Variants in PARVB observed in about 807,000 individuals in gnomAD.
PARVB encodes beta-parvin.
Under a neutral mutation model 47.0 loss-of-function variants are expected in PARVB, and 46 were observed. That is an observed-to-expected ratio of 0.98 (90% CI 0.77 to 1.25). The LOEUF (loss-of-function observed/expected upper bound fraction) is 1.25, where lower values mean the gene tolerates loss of function less well. Among genes scored for constraint, PARVB ranks in the 50% most tolerant of loss-of-function variants. The pLI, the probability that PARVB is intolerant of heterozygous loss-of-function variation, is 0.00. For missense variants in PARVB, 473 were observed against 471.6 expected, an observed-to-expected ratio of 1.00 and a Z score of -0.03; for synonymous variants, 196 against 196.3, an observed-to-expected ratio of 1.00 and a Z score of 0.01.
chr22:44,086,684 C>T lies in PARVB; in HGVS notation c.113-7244C>T, dbSNP rs1212201679. 4.5e-6 allele frequency: 4 copies of T among 895,774 alleles called. No individual in the cohort carries two copies. In the East Asian group the frequency reaches 4.8e-4, roughly 107 times the overall value. 55.5% of individuals were successfully genotyped at this position (895,774 alleles called of 1,614,324 possible). Reference sequence around the variant, plus strand: ...TCACTTAGGTCTTATTTTAACTCCACTGAGCTGCAAGATCTTCACTGAAGT... The same window carrying T: ...TCACTTAGGTCTTATTTTAACTCCATTGAGCTGCAAGATCTTCACTGAAGT... On this transcript the variant is annotated intron_variant, in intron 1 of 12. Coordinates refer to ENST00000338758, the MANE Select transcript of PARVB (RefSeq NM_013327.5).
chr22:44,095,261 C>G (rs1489303603), intron 2 of PARVB, among the ~76,000 whole-genome samples: 1 of 152,106 alleles, frequency 6.6e-6, no homozygotes, highest in Non-Finnish European at 1.5e-5. Context: ...GTAATCCCAG[C>G]ACTTTGGAAG....
intron 11 of PARVB, among the ~76,000 whole-genome samples, chr22:44,159,879 G>A (rs905672413): frequency 2.0e-5 from 3 of 152,166 alleles, no homozygotes; most frequent in African/African-American, 2.4e-5. Flanking sequence ...CCCGAGGTGC[G>A]TTTGCTCTGG....
intron 10 of PARVB, among the ~76,000 whole-genome samples, chr22:44,156,246 T>C (rs2053929723): frequency 6.6e-6 from 1 of 151,790 alleles, no homozygotes; most frequent in Admixed American, 6.6e-5. Context: ...TCAGGGCTTC[T>C]GATATTGGAT....
chr22:44,047,482 G>A (rs533993374), intron 1 of PARVB, among the ~76,000 whole-genome samples: 131 of 152,142 alleles, frequency 8.6e-4, no homozygotes, highest in African/African-American at 3.1e-3. Context: ...TCAACATGGC[G>A]AAACCCCATC....
At chr22:44,024,286 G>A (rs1361156225), upstream of PARVB, 3 of 966,718 alleles carry the variant, frequency 3.1e-6, no homozygotes, top group Non-Finnish European at 3.7e-6. Flanking sequence ...TCTCCCCGGG[G>A]CGACCGGGCG....
chr22:44,088,637 A>G (rs1006859140), intron 1 of PARVB, among the ~76,000 whole-genome samples: 2 of 151,896 alleles, frequency 1.3e-5, no homozygotes, highest in Non-Finnish European at 2.9e-5. Context: ...ACGCCTGACT[A>G]ATGTTTGTAT....
At chr22:44,134,690 AGGG>A (rs1390112759) in intron 6 of PARVB, among the ~76,000 whole-genome samples, 2 of 152,156 alleles carry the variant, frequency 1.3e-5, no homozygotes, top group African/African-American at 4.8e-5. Context: ...GAGCTTGCTC[AGGG>A]GACCCCTTAT....
chr22:44,026,344 C>A, intron 1 of PARVB: 1 of 985,508 alleles, frequency 1.0e-6, no homozygotes, highest in Non-Finnish European at 1.2e-6. Context: ...AGGAGCAGGA[C>A]GCCGGGCACT....
At chr22:44,001,806 C>T (rs1230544919) in intron 2 of PARVB, among the ~76,000 whole-genome samples, 1 of 152,200 alleles carries the variant, frequency 6.6e-6, no homozygotes, top group Admixed American at 6.5e-5. Flanking sequence ...AGTCGCTCTT[C>T]CAGGGAAAAA....
intron 1 of PARVB, among the ~76,000 whole-genome samples, chr22:44,078,827 C>T (rs1435876704): frequency 4.6e-5 from 7 of 152,182 alleles, no homozygotes; most frequent in African/African-American, 1.4e-4. Context: ...TGGGTTCAAG[C>T]GATTCTCCTG....
At chr22:44,154,219 ATTAATC>A (rs2053870173) in intron 10 of PARVB, among the ~76,000 whole-genome samples, 1 of 152,168 alleles carries the variant, frequency 6.6e-6, no homozygotes, top group Non-Finnish European at 1.5e-5. Context: ...TTTCCCCCCG[ATTAATC>A]GTACTATATA....
intron 1 of PARVB, among the ~76,000 whole-genome samples, chr22:44,077,996 C>A (rs949245486): frequency 6.6e-6 from 1 of 152,168 alleles, no homozygotes; most frequent in Non-Finnish European, 1.5e-5. Context: ...TTACTCTTTA[C>A]AGCTAGGGAA....
intron 1 of PARVB, among the ~76,000 whole-genome samples, chr22:44,044,340 G>A (rs1251315769): frequency 6.6e-6 from 1 of 151,094 alleles, no homozygotes; most frequent in Non-Finnish European, 1.5e-5. Flanking sequence ...ACAGGCACCC[G>A]CCACAGTGCC....
chr22:44,022,865 G>A (rs753859951), upstream of PARVB, among the ~76,000 whole-genome samples: 9 of 151,866 alleles, frequency 5.9e-5, no homozygotes, highest in Non-Finnish European at 1.0e-4. Context: ...TTGTGCCTCA[G>A]CCTCCCAAGT....
intron 2 of PARVB, among the ~76,000 whole-genome samples, chr22:44,016,155 G>A (rs1231865208): frequency 6.8e-6 from 1 of 146,144 alleles, no homozygotes; most frequent in Admixed American, 6.9e-5. Flanking sequence ...GGAGTGCAGT[G>A]GCGTGATCTC....
chr22:44,113,732 C>T (rs1261409258), intron 3 of PARVB: 1 of 65,998 alleles, frequency 1.5e-5, no homozygotes, highest in Non-Finnish European at 2.7e-5. Flanking sequence ...AGGCCCTGCA[C>T]CAACACAAAT....
At chr22:44,025,847 AGCCTGTGGAGCGCCC>A (rs2050719524) in intron 1 of PARVB, among the ~76,000 whole-genome samples, 1 of 152,222 alleles carries the variant, frequency 6.6e-6, no homozygotes, top group African/African-American at 2.4e-5. Flanking sequence ...TTCAGCCCAC[AGCCTGTGGAGCGCCC>A]GCCATGGGCC....
intron 1 of PARVB, chr22:44,040,091 T>G (rs561092581): frequency 3.9e-6 from 1 of 255,492 alleles, no homozygotes; most frequent in Non-Finnish European, 7.9e-6. Context: ...TCTGTTGTTA[T>G]GAAAATATTC....
Position 44,171,019 on chromosome 22 carries a change from G to A in PARVB, c.*2341G>A, listed in dbSNP as rs776595213. On this transcript the variant is annotated 3_prime_UTR_variant, in exon 13 of 13. Transcript: ENST00000338758. ...TTAAAACAGCATTACGGTGTCTCTTGCGGGATGCAGTGACATTCAAAAGCC... is the reference window on the plus strand; with the variant it reads ...TTAAAACAGCATTACGGTGTCTCTTACGGGATGCAGTGACATTCAAAAGCC... 6.6e-6 allele frequency: 1 copy of A among 152,272 alleles called. No homozygotes were observed. Among genetic ancestry groups the A allele is most frequent in the South Asian group, 2.1e-4 (1 of 4,838 alleles). 9.4% of individuals were successfully genotyped at this position (152,272 alleles called of 1,614,324 possible). A position where few individuals can be genotyped will look rare whatever the true frequency, so the allele number is the denominator to read the frequency against.
Sources: allele counts gnomAD v4.1 joint callset (sites outside exome capture counted in the v4.1 genomes callset), GRCh38; gene constraint gnomAD v4.1.1; transcripts MANE v1.5; gene names NCBI Gene and HGNC (gene_info 2026-07-23, HGNC 2026-07-21).